The following TMEM132D variants were observed in gnomAD, a reference collection of about 807,000 sequenced individuals.
The protein encoded by TMEM132D is mature OL transmembrane protein.
A neutral mutation model predicts 62.3 loss-of-function variants in TMEM132D; 21 were observed. The ratio of observed to expected loss-of-function variants is 0.34; its 90% CI spans 0.24 to 0.49. The LOEUF is 0.49. TMEM132D is among the 20% of genes least tolerant of loss of function. TMEM132D has a pLI of 0.99. For missense variants in TMEM132D, 1,346 were observed against 1,402.8 expected, an observed-to-expected ratio of 0.96 and a Z score of 0.65; for synonymous variants, 621 against 575.6, an observed-to-expected ratio of 1.08 and a Z score of -1.13.
At chr12:129,513,844 A>G (rs894611975) in intron 3 of TMEM132D, among the ~76,000 whole-genome samples, 8 of 117,138 alleles carry the variant, frequency 6.8e-5, no homozygotes, top group African/African-American at 2.7e-4. Context: ...TTATTTATTT[A>G]TTTATTTTTT....
chr12:129,636,399 A>C (rs931290211), intron 2 of TMEM132D, among the ~76,000 whole-genome samples: 1 of 152,116 alleles, frequency 6.6e-6, no homozygotes, highest in Non-Finnish European at 1.5e-5. Context: ...TGCTACAAAC[A>C]GTTTGTTTTC....
At position 129,438,551 on chromosome 12, in the gene TMEM132D, A is replaced by G. The variant is rs527676371; in HGVS notation, c.1115+92508T>C. ...TGTACTATATGACTTCATTTGTATG[A>G]AGTCCAAAAACAGAGACACAAGTCC... On this transcript the variant is annotated intron_variant, in intron 3 of 8. Coordinates refer to ENST00000422113, the MANE Select transcript of TMEM132D (RefSeq NM_133448.3). Among the ~76,000 whole-genome samples, 4 of 152,350 alleles carry G rather than the reference A, an allele frequency of 2.6e-5. No homozygotes were observed. In the East Asian group the frequency reaches 7.7e-4, roughly 29 times the overall value.
chr12:129,659,651 G>A (rs992674029), intron 2 of TMEM132D, among the ~76,000 whole-genome samples: 4 of 151,506 alleles, frequency 2.6e-5, no homozygotes, highest in Non-Finnish European at 5.9e-5. Flanking sequence ...TGTGTAATTA[G>A]TCATATGAAT....
intron 2 of TMEM132D, among the ~76,000 whole-genome samples, chr12:129,678,705 T>A (rs1880702308): frequency 6.6e-6 from 1 of 152,124 alleles, no homozygotes; most frequent in Non-Finnish European, 1.5e-5. Context: ...TAAATCCTTT[T>A]CTCTCAGAGG....
chr12:129,879,262 G>A (rs1017013155), intron 1 of TMEM132D, among the ~76,000 whole-genome samples: 1 of 152,136 alleles, frequency 6.6e-6, no homozygotes, highest in African/African-American at 2.4e-5. Flanking sequence ...AGTCAGATGG[G>A]AAGATTTTTA....
At chr12:129,650,087 A>T (rs1879889490) in intron 2 of TMEM132D, among the ~76,000 whole-genome samples, 1 of 152,188 alleles carries the variant, frequency 6.6e-6, no homozygotes, top group Non-Finnish European at 1.5e-5. Context: ...TGCCCGCTCT[A>T]AGGTATTTTC....
At chr12:129,480,859 C>G (rs760396690) in intron 3 of TMEM132D, among the ~76,000 whole-genome samples, 5 of 152,162 alleles carry the variant, frequency 3.3e-5, no homozygotes, top group Admixed American at 1.3e-4. Context: ...CAGAACAATT[C>G]TCACAGAGGA....
chr12:129,544,906 G>C (rs1051876229), intron 2 of TMEM132D, among the ~76,000 whole-genome samples: 1 of 152,192 alleles, frequency 6.6e-6, no homozygotes, highest in Non-Finnish European at 1.5e-5. Flanking sequence ...AGACATCAGG[G>C]TGACTGAGTC....
intron 5 of TMEM132D, among the ~76,000 whole-genome samples, chr12:129,186,241 C>T (rs1430497142): frequency 6.6e-6 from 1 of 152,218 alleles, no homozygotes; most frequent in Non-Finnish European, 1.5e-5. Flanking sequence ...GCATCTCCAG[C>T]TCACATCCTG....
intron 4 of TMEM132D, among the ~76,000 whole-genome samples, chr12:129,313,616 G>A (rs922556028): frequency 6.6e-6 from 1 of 151,272 alleles, no homozygotes; most frequent in Non-Finnish European, 1.5e-5. Context: ...TTGATTGATG[G>A]GCATTTGGGA....
chr12:129,833,844 T>C (rs995145257), intron 1 of TMEM132D, among the ~76,000 whole-genome samples: 3 of 152,148 alleles, frequency 2.0e-5, no homozygotes, highest in Non-Finnish European at 2.9e-5. Flanking sequence ...GCAAATAGCA[T>C]AACTAGGTCT....
rs539717119 is a variant in TMEM132D, at chr12:129,859,086, C to T, written c.79+44175G>A. On this transcript the variant is annotated intron_variant, in intron 1 of 8. Transcript: ENST00000422113. ...AGTCCGGGGGAACGGGATGGGTGCC[C>T]TTACAAAAGAGTCCTGCGGGAGGGT... 2.5e-3 allele frequency among the ~76,000 whole-genome samples: 373 copies of T among 152,206 alleles called. 1 individual carries two copies. The highest frequency in any genetic ancestry group is 8.7e-3 in the African/African-American group (361 of 41,512).
intron 3 of TMEM132D, among the ~76,000 whole-genome samples, chr12:129,482,721 A>G (rs1413450532): frequency 6.6e-6 from 1 of 152,202 alleles, no homozygotes; most frequent in Non-Finnish European, 1.5e-5. Flanking sequence ...CTGAGAATAC[A>G]TTTGAGGGTA....
chr12:129,511,104 T>C (rs930682153), intron 3 of TMEM132D, among the ~76,000 whole-genome samples: 39 of 152,202 alleles, frequency 2.6e-4, no homozygotes, highest in Non-Finnish European at 4.4e-5. Context: ...TAAATGTATA[T>C]AGTCATGTAA....
At chr12:129,451,748 A>G (rs1040736291) in intron 3 of TMEM132D, among the ~76,000 whole-genome samples, 1 of 152,216 alleles carries the variant, frequency 6.6e-6, no homozygotes, top group Non-Finnish European at 1.5e-5. Context: ...ATATCAACAG[A>G]AACCCAGGCA....
chr12:129,562,198 A>G (rs1433801510), intron 2 of TMEM132D, among the ~76,000 whole-genome samples: 1 of 152,166 alleles, frequency 6.6e-6, no homozygotes, highest in Non-Finnish European at 1.5e-5. Context: ...AATCCATCTC[A>G]GTGGATTTTC....
chr12:129,168,563 G>A (rs550043904), intron 5 of TMEM132D, among the ~76,000 whole-genome samples: 1 of 152,118 alleles, frequency 6.6e-6, no homozygotes, highest in Non-Finnish European at 1.5e-5. Flanking sequence ...CTAATATGAC[G>A]TCCTCAAGGT....
intron 3 of TMEM132D, among the ~76,000 whole-genome samples, chr12:129,352,165 C>T (rs1593347649): frequency 6.6e-6 from 1 of 152,284 alleles, no homozygotes; most frequent in Middle Eastern, 3.4e-3. Context: ...GGTAAGGGAA[C>T]AAATTAATAA....
intron 3 of TMEM132D, among the ~76,000 whole-genome samples, chr12:129,474,261 T>C (rs1874193362): frequency 6.6e-6 from 1 of 152,150 alleles, no homozygotes; most frequent in Non-Finnish European, 1.5e-5. Flanking sequence ...GCCCTTCTGC[T>C]CCCTCCTAAC....
Sources: allele counts gnomAD v4.1 joint callset (sites outside exome capture counted in the v4.1 genomes callset), GRCh38; gene constraint gnomAD v4.1.1; transcripts MANE v1.5; gene names NCBI Gene and HGNC (gene_info 2026-07-23, HGNC 2026-07-21).